ATP10A: variants seen among roughly 807,000 people sequenced by gnomAD.
ATP10A encodes the protein ATPase phospholipid transporting 10A (putative).
Under a neutral mutation model 147.8 loss-of-function variants are expected in ATP10A, and 111 were observed. The observed-to-expected ratio is 0.75, with a 90% CI of 0.64 to 0.88. The LOEUF is 0.88. ATP10A is among the 40% of genes least tolerant of loss of function. ATP10A has a pLI of 0.00. For missense variants in ATP10A, 1,927 were observed against 1,959.0 expected, an observed-to-expected ratio of 0.98 and a Z score of 0.31; for synonymous variants, 875 against 841.6, an observed-to-expected ratio of 1.04 and a Z score of -0.69.
At chr15:25,716,048 A>C (rs1901779793) in intron 9 of ATP10A, among the ~76,000 whole-genome samples, 1 of 152,230 alleles carries the variant, frequency 6.6e-6, no homozygotes. Context: ...GACTGAACCA[A>C]AACCAATTTG....
At chr15:25,768,909 T>A (rs1889178211) in intron 2 of ATP10A, among the ~76,000 whole-genome samples, 1 of 152,096 alleles carries the variant, frequency 6.6e-6, no homozygotes, top group African/African-American at 2.4e-5. Flanking sequence ...GGAAAAACAC[T>A]ACGTATTGCT....
intron 4 of ATP10A, among the ~76,000 whole-genome samples, chr15:25,726,385 T>C (rs566872368): frequency 5.6e-4 from 85 of 152,134 alleles, no homozygotes; most frequent in Non-Finnish European, 9.7e-4. Context: ...TTTTTGCTTT[T>C]GCTCCTTTCC....
At chr15:25,770,936 G>A (rs1283179017) in intron 2 of ATP10A, among the ~76,000 whole-genome samples, 2 of 152,158 alleles carry the variant, frequency 1.3e-5, no homozygotes, top group African/African-American at 4.8e-5. Flanking sequence ...GTGGAACTCG[G>A]GTCGCACAGG....
intron 1 of ATP10A, among the ~76,000 whole-genome samples, chr15:25,824,832 T>C (rs1892051389): frequency 6.6e-6 from 1 of 152,180 alleles, no homozygotes; most frequent in African/African-American, 2.4e-5. Context: ...CCGTATTTCC[T>C]ACTCTCCTCA....
chr15:25,683,006 C>G (rs1449665831), intron 17 of ATP10A, among the ~76,000 whole-genome samples: 4 of 152,116 alleles, frequency 2.6e-5, no homozygotes, highest in African/African-American at 7.2e-5. Flanking sequence ...GAAAAATCCC[C>G]CCTCTAGCTT....
intron 1 of ATP10A, among the ~76,000 whole-genome samples, chr15:25,823,213 T>C (rs1025909312): frequency 1.3e-5 from 2 of 152,224 alleles, no homozygotes; most frequent in East Asian, 3.8e-4. Context: ...GTATGGCTAA[T>C]GGCATTAGCA....
intron 3 of ATP10A, among the ~76,000 whole-genome samples, chr15:25,729,096 GT>G (rs1287935503): frequency 6.6e-6 from 1 of 152,198 alleles, no homozygotes; most frequent in African/African-American, 2.4e-5. Context: ...GCTGAACCGT[GT>G]CCCCTCAGAA....
intron 19 of ATP10A, 63 bp from the exon 20 acceptor site, chr15:25,680,371 AC>A: frequency 6.5e-7 from 1 of 1,532,616 alleles, no homozygotes; most frequent in South Asian, 1.2e-5. Context: ...AATGACAATA[AC>A]AAAAACGTGC....
chr15:25,787,794 G>A (rs924518170), intron 1 of ATP10A, among the ~76,000 whole-genome samples: 3 of 152,110 alleles, frequency 2.0e-5, no homozygotes, highest in African/African-American at 7.2e-5. Context: ...AAGATCAGGA[G>A]TCACCAAACT....
intron 1 of ATP10A, among the ~76,000 whole-genome samples, chr15:25,788,331 C>T (rs1409427094): frequency 6.6e-6 from 1 of 152,246 alleles, no homozygotes; most frequent in Non-Finnish European, 1.5e-5. Flanking sequence ...AGACAGGGCG[C>T]CAGCCCAGAA....
At chr15:25,792,408 C>CG (rs1257770893) in intron 1 of ATP10A, among the ~76,000 whole-genome samples, 1 of 152,222 alleles carries the variant, frequency 6.6e-6, no homozygotes, top group African/African-American at 2.4e-5. Flanking sequence ...CTGCCCCAGC[C>CG]AGTCTGAGGT....
At chr15:25,696,040 A>G (rs975165409) in intron 13 of ATP10A, among the ~76,000 whole-genome samples, 11 of 152,292 alleles carry the variant, frequency 7.2e-5, no homozygotes, top group African/African-American at 2.4e-4. Flanking sequence ...GATCAGGGGC[A>G]GGAGCTGGAG....
intron 2 of ATP10A, among the ~76,000 whole-genome samples, chr15:25,748,162 C>T (rs919418619): frequency 1.3e-5 from 2 of 152,110 alleles, no homozygotes; most frequent in African/African-American, 4.8e-5. Flanking sequence ...CAGGGTTTCA[C>T]TGTGTTAGCC....
At chr15:25,839,460 G>A (rs12441788) in intron 1 of ATP10A, among the ~76,000 whole-genome samples, 94,707 of 151,416 alleles carry the variant, frequency 0.63, 32,022 homozygotes, top group East Asian at 0.91. Context: ...GCTTATCTCC[G>A]TACCCGTGAG....
intron 3 of ATP10A, among the ~76,000 whole-genome samples, chr15:25,730,779 AAAAT>A (rs1340400141): frequency 2.0e-5 from 3 of 152,204 alleles, no homozygotes; most frequent in South Asian, 2.1e-4. Context: ...ATAATAAATA[AAAAT>A]AAATAAATAT....
intron 1 of ATP10A, chr15:25,841,512 T>C (rs948482961): frequency 2.6e-5 from 4 of 152,064 alleles, no homozygotes; most frequent in Non-Finnish European, 5.9e-5. Context: ...CACTTTATTA[T>C]TCTTTTTGAG....
In ATP10A at chr15:25,730,152, AT is replaced by A. The variant is rs1160441031; in HGVS notation, c.741-2887del. ...CTAAAAATACAAAAAAAAAAAAAAA[AT>A]AGCCAGGCATGGTGGTACACACCTG... On this transcript the variant is annotated intron_variant, in intron 3 of 20. Coordinates refer to ENST00000555815, the MANE Select transcript of ATP10A (RefSeq NM_024490.4). Among the ~76,000 whole-genome samples, 324 of 149,586 alleles carry A rather than the reference AT, an allele frequency of 2.2e-3. 1 individual carries two copies. The highest frequency in any genetic ancestry group is 7.5e-3 in the African/African-American group (301 of 40,128).
chr15:25,692,162 C>T (rs1158946112), intron 14 of ATP10A, among the ~76,000 whole-genome samples: 1 of 152,134 alleles, frequency 6.6e-6, no homozygotes, highest in Non-Finnish European at 1.5e-5. Flanking sequence ...GCCAAGGCTA[C>T]TCCCAGCCAC....
chr15:25,862,188 CTG>C, intron 1 of ATP10A: 1 of 446,722 alleles, frequency 2.2e-6, no homozygotes, highest in Non-Finnish European at 4.5e-6. Context: ...CACTTTGCTG[CTG>C]TCCTGAGCCG....
Sources: gnomAD v4.1 joint callset for allele counts (sites outside exome capture counted in the v4.1 genomes callset) on GRCh38, gnomAD v4.1.1 for gene constraint, MANE v1.5 for transcripts, NCBI Gene and HGNC (gene_info 2026-07-23, HGNC 2026-07-21) for gene names.